The following PKHD1 variants were observed in gnomAD, a reference collection of about 807,000 sequenced individuals.
PKHD1 encodes the protein PKHD1 ciliary IPT domain containing fibrocystin/polyductin, also known as fibrocystin.
A neutral mutation model predicts 412.0 loss-of-function variants in PKHD1; 291 were observed. The ratio of observed to expected loss-of-function variants is 0.71; its 90% confidence interval spans 0.64 to 0.78. The LOEUF is 0.78. Among genes scored for constraint, PKHD1 ranks in the 30% least tolerant of loss-of-function variants. PKHD1 has a pLI of 0.00. For missense variants in PKHD1, 4,825 were observed against 4,950.7 expected (o/e 0.97, Z 0.76); for synonymous variants, 1,777 against 1,821.5 (o/e 0.98, Z 0.62).
chr6:51,636,488 A>T (rs997301083), intron 64 of PKHD1, among the ~76,000 whole-genome samples: 2 of 152,062 alleles, frequency 1.3e-5, no homozygotes, highest in African/African-American at 4.8e-5. Context: ...TTGAGACTGC[A>T]ATGAGCCATG....
chr6:51,712,856 T>C (rs1274001864), intron 60 of PKHD1, among the ~76,000 whole-genome samples: 1 of 152,204 alleles, frequency 6.6e-6, no homozygotes, highest in South Asian at 2.1e-4. Flanking sequence ...ATGTGAAATG[T>C]TTGATATGTG....
At chr6:51,919,805 T>C (rs1376834196) in intron 37 of PKHD1, among the ~76,000 whole-genome samples, 4 of 152,244 alleles carry the variant, frequency 2.6e-5, no homozygotes, top group Non-Finnish European at 4.4e-5. Flanking sequence ...TTGATTTCCT[T>C]GAGCAGTGGG....
chr6:51,655,322 A>T (rs1771634318), intron 61 of PKHD1, among the ~76,000 whole-genome samples: 1 of 152,146 alleles, frequency 6.6e-6, no homozygotes, highest in African/African-American at 2.4e-5. Context: ...GAAGATGCAG[A>T]AGAGAAAATG....
At chr6:51,900,732 G>A (rs1244434482) in intron 43 of PKHD1, among the ~76,000 whole-genome samples, 4 of 151,264 alleles carry the variant, frequency 2.6e-5, no homozygotes, top group Admixed American at 2.6e-4. Flanking sequence ...GAGTGAACAG[G>A]CAACCTACAA....
At chr6:51,848,939 G>GAAAAA (rs34781445) in intron 49 of PKHD1, among the ~76,000 whole-genome samples, 1 of 123,958 alleles carries the variant, frequency 8.1e-6, no homozygotes, top group Non-Finnish European at 1.7e-5. Flanking sequence ...TATTTCTTCT[G>GAAAAA]AAAAAAAAAA....
At chr6:52,039,995 C>T (rs973166371) in intron 27 of PKHD1, among the ~76,000 whole-genome samples, 26 of 152,084 alleles carry the variant, frequency 1.7e-4, no homozygotes, top group Admixed American at 1.2e-3. Flanking sequence ...AGTAGAGAAG[C>T]CAGATGTAAA....
chr6:51,695,720 CA>C (rs2150666865), intron 60 of PKHD1, among the ~76,000 whole-genome samples: 1 of 152,180 alleles, frequency 6.6e-6, no homozygotes, highest in African/African-American at 2.4e-5. Context: ...AAAATAATAA[CA>C]ACATGGATAT....
At chr6:51,927,689 T>C (rs1273384838) in intron 37 of PKHD1, among the ~76,000 whole-genome samples, 1 of 152,186 alleles carries the variant, frequency 6.6e-6, no homozygotes, top group Non-Finnish European at 1.5e-5. Flanking sequence ...ATGCAGCCTA[T>C]TTGCTCAGCT....
chr6:52,009,248 C>T (rs1562119427), intron 35 of PKHD1, among the ~76,000 whole-genome samples: 1 of 152,076 alleles, frequency 6.6e-6, no homozygotes, highest in Non-Finnish European at 1.5e-5. Flanking sequence ...GCAGAGGCCA[C>T]AGAGTGGACA....
chr6:51,768,149 C>CTTT (rs1362006051), intron 55 of PKHD1, among the ~76,000 whole-genome samples: 1 of 146,886 alleles, frequency 6.8e-6, no homozygotes, highest in Non-Finnish European at 1.5e-5. Flanking sequence ...GCTTCACCTA[C>CTTT]TTTTTGAGGG....
chr6:51,796,297 G>A (rs1794582268), intron 52 of PKHD1, among the ~76,000 whole-genome samples: 1 of 152,064 alleles, frequency 6.6e-6, no homozygotes, highest in African/African-American at 2.4e-5. Flanking sequence ...TGTGCAAGAG[G>A]TGTTTATAAT....
intron 60 of PKHD1, among the ~76,000 whole-genome samples, chr6:51,724,885 C>G (rs1449789484): frequency 6.6e-6 from 1 of 152,002 alleles, no homozygotes; most frequent in African/African-American, 2.4e-5. Context: ...ATGCAGTGAC[C>G]ATGCTAACAG....
intron 35 of PKHD1, among the ~76,000 whole-genome samples, chr6:51,980,190 A>G (rs1794961345): frequency 6.6e-6 from 1 of 152,196 alleles, no homozygotes; most frequent in African/African-American, 2.4e-5. Context: ...TGACACCAAA[A>G]TGCTTTCTCT....
rs1020114041 is a variant in PKHD1, at chr6:52,081,552, G to A, written c.281+840C>T. On this transcript the variant is annotated intron_variant, in intron 4 of 66. Transcript: ENST00000371117. The stretch of plus-strand genomic sequence containing the variant: ...CTAAGGCTACACGTGCTGTACCTTT[G>A]TGTAAATTACAAAAAAAAAAAATCC... Among the ~76,000 whole-genome samples, 14 of 102,480 alleles carry A rather than the reference G, an allele frequency of 1.4e-4. No individual in the cohort carries two copies. In the East Asian group the frequency reaches 3.2e-3, roughly 23 times the overall value. 67.2% of individuals were successfully genotyped at this position (102,480 alleles called of 152,430 possible). A position where few individuals can be genotyped will look rare whatever the true frequency, so the allele number is the denominator to read the frequency against.
intron 60 of PKHD1, among the ~76,000 whole-genome samples, chr6:51,682,945 T>C (rs1776895150): frequency 6.6e-6 from 1 of 152,054 alleles, no homozygotes; most frequent in Non-Finnish European, 1.5e-5. Flanking sequence ...AAGTTATTTG[T>C]ACTAATGTCT....
chr6:51,998,223 C>T (rs1210617065), intron 35 of PKHD1, among the ~76,000 whole-genome samples: 1 of 146,026 alleles, frequency 6.8e-6, no homozygotes, highest in Non-Finnish European at 1.5e-5. Context: ...TTAGTCAACA[C>T]AGAAAAAAAA....
chr6:51,996,825 G>C (rs888336670), intron 35 of PKHD1, among the ~76,000 whole-genome samples: 1 of 152,230 alleles, frequency 6.6e-6, no homozygotes, highest in Admixed American at 6.5e-5. Context: ...AGGTCATTGA[G>C]GTCAAGTGTT....
intron 60 of PKHD1, among the ~76,000 whole-genome samples, chr6:51,702,975 C>A (rs895956588): frequency 7.0e-6 from 1 of 142,292 alleles, no homozygotes; most frequent in African/African-American, 2.6e-5. Context: ...AACAAGGAAA[C>A]AAAGATAAAT....
At chr6:52,055,497 C>T in intron 19 of PKHD1, 90 bp downstream of exon 19, 3 of 1,434,276 alleles carry the variant, frequency 2.1e-6, no homozygotes, top group Non-Finnish European at 2.9e-6. Flanking sequence ...AGCAATCACT[C>T]CTTTGTGCTT....
Sources: gnomAD v4.1 joint callset for allele counts (sites outside exome capture counted in the v4.1 genomes callset) on GRCh38, gnomAD v4.1.1 for gene constraint, MANE v1.5 for transcripts, NCBI Gene and HGNC (gene_info 2026-07-23, HGNC 2026-07-21) for gene names.